The following ADPGK variants were observed in gnomAD, a reference collection of about 807,000 sequenced individuals.
ADPGK encodes the protein ADP-dependent glucokinase.
In ADPGK, 26 loss-of-function variants were observed where a neutral mutation model predicts 42.4. The observed-to-expected ratio is 0.61, with a 90% CI of 0.45 to 0.85. The LOEUF (loss-of-function observed/expected upper bound fraction) is 0.85. Among genes scored for constraint, ADPGK ranks in the 40% least tolerant of loss-of-function variants. ADPGK has a pLI of 0.00. For missense variants in ADPGK, 571 were observed against 627.0 expected (o/e 0.91, Z 0.95); for synonymous variants, 267 against 252.6 (o/e 1.06, Z -0.54).
intron 3 of ADPGK, among the ~76,000 whole-genome samples, chr15:72,765,211 C>T (rs1364722953): frequency 6.6e-6 from 1 of 152,118 alleles, no homozygotes; most frequent in East Asian, 1.9e-4. Context: ...GTGAGTGGCA[C>T]GATCTCAGCC....
intron 4 of ADPGK, chr15:72,756,934 C>T (rs1307386025): frequency 6.3e-5 from 10 of 157,762 alleles, no homozygotes; most frequent in Admixed American, 1.2e-4. Context: ...CTCACTGCAT[C>T]TCCTCTTCCC....
chr15:72,761,011 C>G (rs143945301), intron 3 of ADPGK, among the ~76,000 whole-genome samples: 1 of 152,158 alleles, frequency 6.6e-6, no homozygotes, highest in Admixed American at 6.5e-5. Context: ...TCTCTCCCCC[C>G]ACCGCATGCA....
Position 72,783,601 on chromosome 15 carries a change from C to T in ADPGK, c.91G>A (p.Ala31Thr), listed in dbSNP as rs1489345156. The T allele has an allele frequency of 1.3e-6, 2 of 1,516,404 alleles. No homozygotes were observed. The highest frequency in any genetic ancestry group is 1.8e-6 in the Non-Finnish European group (2 of 1,140,338). 93.9% of individuals were successfully genotyped at this position (1,516,404 alleles called of 1,614,324 possible). ...AGCGAGCTCCAGAGAGAGCGCAGCG[C>T]CGAGCCTGGCAGCTCTGGCTCCAGC... ...FLLEPELPGS[A>T]LRSLWSSLCL... Residue 31 changes from alanine (A) to threonine (T), a missense_variant, in exon 1 of 7, where the codon GCG becomes ACG. By Grantham distance (58) the Ala-to-Thr change is moderately conservative. Around this residue, in one of 2 missense-constraint regions of ADPGK, gnomAD observed 137 missense variants for 104.2 expected, o/e 1.31. Transcript: ENST00000456471.
intron 3 of ADPGK, among the ~76,000 whole-genome samples, chr15:72,768,840 C>G (rs1296407388): frequency 6.6e-6 from 1 of 151,754 alleles, no homozygotes; most frequent in Non-Finnish European, 1.5e-5. Flanking sequence ...GCTGTGGTGA[C>G]GTGTCTGCAA....
chr15:72,755,725 A>C, intron 5 of ADPGK, 71 bp from the exon 6 acceptor site: 3 of 1,223,886 alleles, frequency 2.5e-6, no homozygotes, highest in Non-Finnish European at 2.4e-6. Flanking sequence ...AGAAAAGATC[A>C]GATCCTGAGA....
intron 2 of ADPGK, among the ~76,000 whole-genome samples, chr15:72,772,673 AGTAAAT>A (rs1473455739): frequency 3.3e-5 from 5 of 152,202 alleles, no homozygotes; most frequent in Non-Finnish European, 7.3e-5. Flanking sequence ...TGAAGTGTTC[AGTAAAT>A]GTTTGTTGCT....
intron 2 of ADPGK, 130 bp from the exon 3 acceptor site, chr15:72,771,975 A>G (rs1467616353): frequency 6.7e-6 from 4 of 601,048 alleles, no homozygotes; most frequent in Non-Finnish European, 1.1e-5. Context: ...TTTTACATCA[A>G]AGGACACACA....
chr15:72,780,705 C>T (rs1464539625), intron 1 of ADPGK, among the ~76,000 whole-genome samples: 2 of 152,270 alleles, frequency 1.3e-5, no homozygotes, highest in Admixed American at 1.3e-4. Context: ...CTGAGCATGA[C>T]AGGTCAAGGC....
intron 1 of ADPGK, among the ~76,000 whole-genome samples, chr15:72,777,939 G>C (rs1254964760): frequency 6.6e-6 from 1 of 151,968 alleles, no homozygotes; most frequent in African/African-American, 2.4e-5. Context: ...CAGTTTACTT[G>C]ATAACTTTTT....
At chr15:72,775,935 T>C (rs1010049472) in intron 1 of ADPGK, among the ~76,000 whole-genome samples, 13 of 152,232 alleles carry the variant, frequency 8.5e-5, no homozygotes, top group African/African-American at 3.1e-4. Flanking sequence ...ATCTTGGGAA[T>C]GCAACCCAAG....
intron 3 of ADPGK, among the ~76,000 whole-genome samples, chr15:72,765,389 A>T (rs2066245928): frequency 6.6e-6 from 1 of 152,182 alleles, no homozygotes. Context: ...GCCTCAAGTG[A>T]TCTGCCCACC....
intron 2 of ADPGK, 49 bp from the exon 3 acceptor site, chr15:72,771,894 C>T: frequency 7.2e-7 from 1 of 1,398,102 alleles, no homozygotes; most frequent in East Asian, 2.4e-5. Context: ...ACAACTATAT[C>T]ACCCAAGTTT....
intron 6 of ADPGK, among the ~76,000 whole-genome samples, chr15:72,753,194 C>T (rs931675713): frequency 6.6e-6 from 1 of 152,182 alleles, no homozygotes; most frequent in Non-Finnish European, 1.5e-5. Context: ...TCCATGGTCC[C>T]TAGCTTTTGC....
intron 1 of ADPGK, among the ~76,000 whole-genome samples, chr15:72,776,981 A>C (rs1251713171): frequency 6.6e-6 from 1 of 152,226 alleles, no homozygotes; most frequent in Non-Finnish European, 1.5e-5. Flanking sequence ...TCTAGTAAAG[A>C]AACACTGAAA....
intron 3 of ADPGK, among the ~76,000 whole-genome samples, chr15:72,766,280 A>G (rs914424031): frequency 6.6e-6 from 1 of 152,150 alleles, no homozygotes; most frequent in Admixed American, 6.5e-5. Flanking sequence ...CCTGATTCCA[A>G]TTTTGAATGA....
At position 72,752,115 on chromosome 15, in the gene ADPGK, GT is replaced by G; in HGVS notation, c.*225del. 1 of 526,904 alleles carries G rather than the reference GT, an allele frequency of 1.9e-6. No individual in the cohort carries two copies. The highest frequency in any genetic ancestry group is 3.2e-5 in the East Asian group (1 of 31,594). 32.6% of individuals were successfully genotyped at this position (526,904 alleles called of 1,614,324 possible). On this transcript the variant is annotated 3_prime_UTR_variant, in exon 7 of 7. Coordinates refer to ENST00000456471, the MANE Select transcript of ADPGK (RefSeq NM_001365225.1). The stretch of plus-strand genomic sequence containing the variant: ...CATAAACTGGGGATTTGGGAACTGA[GT>G]TTTTAGCTCTGTGACACACAACATA...
chr15:72,764,745 G>A (rs1305275597), intron 3 of ADPGK, among the ~76,000 whole-genome samples: 1 of 152,210 alleles, frequency 6.6e-6, no homozygotes, highest in Non-Finnish European at 1.5e-5. Flanking sequence ...GACTTTCAGA[G>A]CTAGAGAGTA....
intron 1 of ADPGK, among the ~76,000 whole-genome samples, chr15:72,779,519 A>C (rs2066431096): frequency 6.6e-6 from 1 of 152,126 alleles, no homozygotes; most frequent in Admixed American, 6.5e-5. Context: ...TGCTGGGATT[A>C]CAGGCGTGAG....
chr15:72,764,615 C>G (rs186592212), intron 3 of ADPGK, among the ~76,000 whole-genome samples: 1 of 152,328 alleles, frequency 6.6e-6, no homozygotes, highest in African/African-American at 2.4e-5. Flanking sequence ...AAAGATCTAG[C>G]TAAGATCACT....
Sources: gnomAD v4.1 joint callset for allele counts (sites outside exome capture counted in the v4.1 genomes callset) on GRCh38, gnomAD v4.1.1 for gene constraint, gnomAD v4.1.1 regional missense constraint, MANE v1.5 for transcripts, NCBI Gene and HGNC (gene_info 2026-07-23, HGNC 2026-07-21) for gene names.